The following HEXA variants were observed in gnomAD, a reference collection of about 807,000 sequenced individuals.
The protein encoded by HEXA is beta-hexosaminidase subunit alpha.
Under a neutral mutation model 73.3 loss-of-function variants are expected in HEXA, and 54 were observed. The ratio of observed to expected loss-of-function variants is 0.74; its 90% CI spans 0.59 to 0.92. The LOEUF (loss-of-function observed/expected upper bound fraction) is 0.92. Among genes scored for constraint, HEXA ranks in the 40% least tolerant of loss-of-function variants. HEXA has a pLI of 0.00. For missense variants in HEXA, 649 were observed against 653.0 expected (o/e 0.99, Z 0.07); for synonymous variants, 230 against 246.9 (o/e 0.93, Z 0.64).
chr15:72,354,347 A>G (rs1418477133), intron 3 of HEXA: 1 of 155,396 alleles, frequency 6.4e-6, no homozygotes, highest in East Asian at 1.9e-4. Context: ...TAGTCCACTG[A>G]CACTGTCTCC....
intron 1 of HEXA, among the ~76,000 whole-genome samples, chr15:72,372,839 A>ATTGC (rs2089010854): frequency 6.6e-6 from 1 of 152,224 alleles, no homozygotes; most frequent in African/African-American, 2.4e-5. Flanking sequence ...TGCATTAGGA[A>ATTGC]AAACACTGGG....
chr15:72,345,092 G>A (rs1215908569), intron 13 of HEXA: 6 of 344,980 alleles, frequency 1.7e-5, no homozygotes, highest in Non-Finnish European at 3.4e-5. Context: ...GACCCCCGTG[G>A]ATACCAAAAT....
chr15:72,364,481 G>A (rs1452336639), intron 1 of HEXA, among the ~76,000 whole-genome samples: 2 of 151,758 alleles, frequency 1.3e-5, no homozygotes, highest in Admixed American at 6.6e-5. Context: ...GTAGACATTC[G>A]GTAATGTTTC....
chr15:72,348,203 A>C, intron 8 of HEXA, 69 bp from the exon 9 acceptor site: 13 of 1,033,536 alleles, frequency 1.3e-5, no homozygotes, highest in Non-Finnish European at 2.0e-5. Flanking sequence ...GGGATTAGTC[A>C]CCTGGCCCCC....
At chr15:72,374,083 A>T (rs12899167) in intron 1 of HEXA, among the ~76,000 whole-genome samples, 1 of 151,472 alleles carries the variant, frequency 6.6e-6, no homozygotes, top group East Asian at 1.9e-4. Flanking sequence ...AGCTTTTGAG[A>T]ATCTTATAAT....
intron 9 of HEXA, 42 bp from the exon 10 acceptor site, chr15:72,347,800 A>G (rs763344776): frequency 1.3e-5 from 20 of 1,577,292 alleles, no homozygotes; most frequent in Non-Finnish European, 1.7e-5. Flanking sequence ...TGCTTAGCTC[A>G]GATGGGTTCT....
intron 1 of HEXA, among the ~76,000 whole-genome samples, chr15:72,369,669 C>G (rs1157439472): frequency 2.0e-5 from 3 of 152,176 alleles, no homozygotes; most frequent in African/African-American, 7.2e-5. Flanking sequence ...TCTGGAGTAG[C>G]TGGGACTATA....
intron 1 of HEXA, among the ~76,000 whole-genome samples, chr15:72,364,245 C>G (rs368133965): frequency 6.6e-6 from 1 of 151,902 alleles, no homozygotes; most frequent in Non-Finnish European, 1.5e-5. Flanking sequence ...GCACTCTAGC[C>G]TTGGTGACAG....
intron 1 of HEXA, chr15:72,359,255 G>A (rs1394943504): frequency 6.6e-6 from 1 of 152,144 alleles, no homozygotes; most frequent in Non-Finnish European, 1.5e-5. Flanking sequence ...AAGACCTTGT[G>A]ATTCCATAGA....
At chr15:72,346,151 G>A (rs2088609393) in intron 12 of HEXA, 84 bp downstream of exon 12, 3 of 929,226 alleles carry the variant, frequency 3.2e-6, no homozygotes, top group Non-Finnish European at 5.3e-6. Context: ...TACTAGTCCA[G>A]AGGTGGCTAG....
intron 2 of HEXA, 127 bp from the exon 3 acceptor site, chr15:72,355,751 C>T: frequency 1.4e-6 from 1 of 728,670 alleles, no homozygotes; most frequent in South Asian, 1.5e-5. Context: ...TTTAAAAAAT[C>T]TTTCAATGAG....
In HEXA at chr15:72,349,036, A is replaced by C. The variant is rs779327573; in HGVS notation, c.986+43T>G. The C allele has an allele frequency of 1.9e-6, 3 of 1,541,632 alleles. No homozygotes were observed. The South Asian group carries it at 3.4e-5, about 17-fold the overall frequency. On this transcript the variant is annotated intron_variant, in intron 8 of 13. Transcript: ENST00000268097. ...CGGGTGCTAACTTCTATTCTGAGTA[A>C]GCAACTGATCAGGCCACAGTGGGAA...
At position 72,347,596 on chromosome 15, in the gene HEXA, G is replaced by C; in HGVS notation, c.1146+90C>G. Reference sequence around the variant, plus strand: ...ACCATTAAAGCCCAATCCAAACCAGGAGGATCAGTCTCTGTAGAGGCAGGG... The same window carrying C: ...ACCATTAAAGCCCAATCCAAACCAGCAGGATCAGTCTCTGTAGAGGCAGGG... On this transcript the variant is annotated intron_variant, in intron 10 of 13. Coordinates refer to ENST00000268097, the MANE Select transcript of HEXA (RefSeq NM_000520.6). 3.9e-6 allele frequency: 4 copies of C among 1,032,772 alleles called. 1 individual carries two copies. The South Asian group carries it at 5.1e-5, about 13-fold the overall frequency. The allele number at this position is 1,032,772 out of a possible 1,614,324, so 64.0% of individuals were successfully genotyped here.
chr15:72,356,689 T>A, intron 1 of HEXA, 72 bp from the exon 2 acceptor site: 1 of 1,601,654 alleles, frequency 6.2e-7, no homozygotes, highest in Non-Finnish European at 8.5e-7. Flanking sequence ...AGACCCTAGC[T>A]CTAGTCCCTC....
rs1255465094 is a variant in HEXA at position 72,349,218 on chromosome 15, GC to G, written c.846del (p.Glu282AspfsTer9). 1 of 1,614,054 alleles carries G rather than the reference GC, an allele frequency of 6.2e-7. No individual in the cohort carries two copies. The highest frequency in any genetic ancestry group is 8.5e-7 in the Non-Finnish European group (1 of 1,179,948). ...TTCACTGGTCCAAAGGTGCCAGAGG[GC>G]TCAGACCCAGAGTAGCAAGGAGTCA... ...GLLTPCYSGSEPSGTFGPVNP... is the reference protein window; with the variant it reads ...GLLTPCYSGSXPSGTFGPVNP... On this transcript the variant is annotated frameshift_variant, in exon 8 of 14. Coordinates refer to ENST00000268097, the MANE Select transcript of HEXA (RefSeq NM_000520.6). LOFTEE classifies it high-confidence loss of function.
chr15:72,346,885 A>G (rs2088622397), intron 10 of HEXA, 175 bp from the exon 11 acceptor site: 5 of 682,918 alleles, frequency 7.3e-6, no homozygotes, highest in South Asian at 6.3e-5. Flanking sequence ...AGGCCAAGGA[A>G]TCCAGGGCCC....
intron 1 of HEXA, among the ~76,000 whole-genome samples, chr15:72,363,568 G>A (rs149291638): frequency 6.6e-6 from 1 of 152,110 alleles, no homozygotes; most frequent in Non-Finnish European, 1.5e-5. Context: ...CCCTGAGCTG[G>A]GGCCTTCTCC....
intron 1 of HEXA, among the ~76,000 whole-genome samples, chr15:72,372,154 G>A (rs1365704374): frequency 1.3e-5 from 2 of 152,056 alleles, no homozygotes; most frequent in African/African-American, 2.4e-5. Context: ...CCAACGTGGT[G>A]AAACCCCATC....
At chr15:72,353,857 G>A (rs1280030838) in intron 3 of HEXA, 120 bp from the exon 4 acceptor site, 1 of 779,020 alleles carries the variant, frequency 1.3e-6, no homozygotes, top group Non-Finnish European at 2.3e-6. Flanking sequence ...AATGGATGTA[G>A]TGTAGGCTTG....
Sources: allele counts gnomAD v4.1 joint callset (sites outside exome capture counted in the v4.1 genomes callset), GRCh38; gene constraint gnomAD v4.1.1; transcripts MANE v1.5; gene names NCBI Gene and HGNC (gene_info 2026-07-23, HGNC 2026-07-21).